The following CANT1 variants were observed in gnomAD, a reference collection of about 807,000 sequenced individuals.
CANT1 encodes calcium activated nucleotidase 1.
Under a neutral mutation model 30.0 loss-of-function variants are expected in CANT1, and 26 were observed. The ratio of observed to expected loss-of-function variants is 0.87; its 90% CI spans 0.64 to 1.20. CANT1 has a LOEUF of 1.20. Ranked by LOEUF, CANT1 falls within the 50% of genes most tolerant of loss-of-function variation. The pLI, the probability that CANT1 is intolerant of heterozygous loss-of-function variation, is 0.00. For synonymous variants in CANT1, 246 were observed against 251.8 expected, an observed-to-expected ratio of 0.98 and a Z score of 0.22; for missense variants, 518 against 563.0, an observed-to-expected ratio of 0.92 and a Z score of 0.81.
intron 1 of CANT1, among the ~76,000 whole-genome samples, chr17:79,003,858 C>T (rs188035639): frequency 5.1e-4 from 76 of 148,778 alleles, no homozygotes; most frequent in African/African-American, 1.7e-3. Context: ...GCAAGGCTTG[C>T]AAGGCACCAC....
At chr17:78,999,007 G>A (rs1016207455) in intron 1 of CANT1, among the ~76,000 whole-genome samples, 1 of 152,160 alleles carries the variant, frequency 6.6e-6, no homozygotes, top group African/African-American at 2.4e-5. Flanking sequence ...CCTGGTGCAC[G>A]GCAGCCAGCA....
chr17:79,005,997 C>T (rs935486128), intron 1 of CANT1: 12 of 152,218 alleles, frequency 7.9e-5, no homozygotes, highest in African/African-American at 2.9e-4. Flanking sequence ...GTGGGCAGTA[C>T]AAGGAAACCA....
chr17:79,009,340 A>C (rs2071665125), intron 1 of CANT1, among the ~76,000 whole-genome samples: 1 of 151,794 alleles, frequency 6.6e-6, no homozygotes, highest in Non-Finnish European at 1.5e-5. Context: ...TGGTCCCCAC[A>C]CTAATTAGAG....
At chr17:79,001,757 G>A (rs1053120754) in intron 1 of CANT1, among the ~76,000 whole-genome samples, 20 of 152,152 alleles carry the variant, frequency 1.3e-4, no homozygotes, top group East Asian at 9.7e-4. Context: ...AGGTCTTCTC[G>A]GCCCCCACTG....
chr17:78,995,183 G>T lies in CANT1; in HGVS notation c.670C>A (p.Leu224Met). ...AEWLAVKDER[L>M]YVGGLGKEWT... ...TCCTTGCCCAGGCCGCCCACGTACAGACGCTCGTCCTTCACTGCCAGCCAT... is the reference window on the plus strand; with the variant it reads ...TCCTTGCCCAGGCCGCCCACGTACATACGCTCGTCCTTCACTGCCAGCCAT... The change falls in exon 4 of 5, where the codon CTG (leucine) becomes ATG (methionine). Residue 224 changes from leucine to methionine, a missense_variant. Physicochemically the swap from Leu to Met is conservative, Grantham distance 15 (BLOSUM62 2). Around this residue, in one of 3 missense-constraint regions of CANT1, gnomAD observed 48 missense variants for 82.5 expected, o/e 0.58. Transcript: ENST00000392446. The surrounding 1 kb of genome is among the most constrained non-coding windows in gnomAD (Gnocchi z 5.7). The T allele has an allele frequency of 6.2e-7, 1 of 1,613,814 alleles. No individual in the cohort carries two copies. The highest frequency in any genetic ancestry group is 1.1e-5 in the South Asian group (1 of 91,080).
chr17:79,007,421 T>C (rs1262902496), intron 1 of CANT1, among the ~76,000 whole-genome samples: 3 of 152,214 alleles, frequency 2.0e-5, no homozygotes, highest in African/African-American at 7.2e-5. Context: ...CTCCTTGTGA[T>C]AGTACTGACC....
rs536437860 is a variant in CANT1 at position 78,992,182 on chromosome 17, TCCCTCCTCGCTG to T, written c.*1356_*1367del. 132 of 231,926 alleles carry T rather than the reference TCCCTCCTCGCTG, an allele frequency of 5.7e-4. No individual in the cohort carries two copies. The highest frequency in any genetic ancestry group is 1.2e-3 in the Admixed American group (22 of 17,808). 14.4% of individuals were successfully genotyped at this position (231,926 alleles called of 1,614,324 possible). ...GAAAGAGACAACCATGAGAGAGGGG[TCCCTCCTCGCTG>T]CCCTCCTCGCAGCTGTGCTTGAGTT... On this transcript the variant is annotated 3_prime_UTR_variant, in exon 5 of 5. Coordinates refer to ENST00000392446, the MANE Select transcript of CANT1 (RefSeq NM_001159773.2).
At position 78,993,326 on chromosome 17, in the gene CANT1, C is replaced by T; in HGVS notation, c.*224G>A. On this transcript the variant is annotated 3_prime_UTR_variant, in exon 5 of 5. Transcript: ENST00000392446. The surrounding 1 kb of genome is among the most constrained non-coding windows in gnomAD (Gnocchi z 4.5). Reference sequence around the variant, plus strand: ...GCCTTGAGTCAATGCCTGAAGTGACCGAAATCACCACCAGATGGCAGCATG... The same window carrying T: ...GCCTTGAGTCAATGCCTGAAGTGACTGAAATCACCACCAGATGGCAGCATG... 1.7e-6 allele frequency: 1 copy of T among 605,026 alleles called. No homozygotes were observed. The highest frequency in any genetic ancestry group is 2.9e-6 in the Non-Finnish European group (1 of 346,746). The allele number at this position is 605,026 out of a possible 1,614,324, so 37.5% of individuals were successfully genotyped here. A position where few individuals can be genotyped will look rare whatever the true frequency, so the allele number is the denominator to read the frequency against.
intron 1 of CANT1, among the ~76,000 whole-genome samples, chr17:78,999,577 G>A (rs895169275): frequency 2.0e-5 from 3 of 151,476 alleles, no homozygotes; most frequent in African/African-American, 4.9e-5. Flanking sequence ...TGAGGCTCAA[G>A]CGATCCTCCC....
At position 78,995,433 on chromosome 17, in the gene CANT1, G is replaced by GTC. The variant is rs1440754301; in HGVS notation, c.632-214_632-213dup. Among the ~76,000 whole-genome samples, 3 of 152,142 alleles carry GTC rather than the reference G, an allele frequency of 2.0e-5. No homozygotes were observed. The highest frequency in any genetic ancestry group is 6.5e-5 in the Admixed American group (1 of 15,282). On this transcript the variant is annotated intron_variant, in intron 3 of 4. Coordinates refer to ENST00000392446, the MANE Select transcript of CANT1 (RefSeq NM_001159773.2). The surrounding 1 kb of genome is among the most constrained non-coding windows in gnomAD (Gnocchi z 5.7). ...CTGAAGGTTCAGTGACCACTCTCAA[G>GTC]TCTCCTCTGATCCCCAACTCCCCGC...
At chr17:79,005,766 C>A (rs1047508165) in intron 1 of CANT1, among the ~76,000 whole-genome samples, 12 of 152,100 alleles carry the variant, frequency 7.9e-5, no homozygotes, top group African/African-American at 2.9e-4. Context: ...AAGAGCAAAC[C>A]CCACTGACCT....
In CANT1 at chr17:78,996,710, C is replaced by A. The variant is rs1166480962; in HGVS notation, c.631+282G>T. Among the ~76,000 whole-genome samples, 8 of 152,180 alleles carry A rather than the reference C, an allele frequency of 5.3e-5. No individual in the cohort carries two copies. In the East Asian group the frequency reaches 1.5e-3, roughly 29 times the overall value. On this transcript the variant is annotated intron_variant, in intron 3 of 4. Transcript: ENST00000392446. This position sits in a 1 kb window ranked among gnomAD's most constrained non-coding sequence, Gnocchi z 5.1. ...TTCCCAGAGGCTCCGAGAGCAGCAGCGGATACAGCCGAAAACATCTTGGAG... is the reference window on the plus strand; with the variant it reads ...TTCCCAGAGGCTCCGAGAGCAGCAGAGGATACAGCCGAAAACATCTTGGAG...
At position 78,993,452 on chromosome 17, in the gene CANT1, G is replaced by C; in HGVS notation, c.*98C>G. 6.4e-7 allele frequency: 1 copy of C among 1,563,092 alleles called. No homozygotes were observed. Among genetic ancestry groups the C allele is most frequent in the Non-Finnish European group, 8.7e-7 (1 of 1,144,506 alleles). On this transcript the variant is annotated 3_prime_UTR_variant, in exon 5 of 5. Transcript: ENST00000392446. This position sits in a 1 kb window ranked among gnomAD's most constrained non-coding sequence, Gnocchi z 4.5. ...CTCCCTGTCCAGACCTCCAACCCAG[G>C]CACAGTTCCAAAAAGAACAAAACAA...
chr17:78,992,870 C>T lies in CANT1; in HGVS notation c.*680G>A, dbSNP rs2070886316. The T allele has an allele frequency of 2.7e-6, 1 of 368,582 alleles. No homozygotes were observed. The highest frequency in any genetic ancestry group is 3.8e-5 in the Admixed American group (1 of 26,070). The allele number at this position is 368,582 out of a possible 1,614,324, so 22.8% of individuals were successfully genotyped here. ...AATTAAAGCAGGTTAATAATTAAAA[C>T]TTCAAAGTACTGCACAGCCACAGAA... On this transcript the variant is annotated 3_prime_UTR_variant, in exon 5 of 5. Transcript: ENST00000392446.
Position 78,993,425 on chromosome 17 carries a change from G to T in CANT1, c.*125C>A, listed in dbSNP as rs2070902471. 1 of 1,440,926 alleles carries T rather than the reference G, an allele frequency of 6.9e-7. No individual in the cohort carries two copies. Among genetic ancestry groups the T allele is most frequent in the Non-Finnish European group, 9.5e-7 (1 of 1,047,952 alleles). 89.3% of individuals were successfully genotyped at this position (1,440,926 alleles called of 1,614,324 possible). On this transcript the variant is annotated 3_prime_UTR_variant, in exon 5 of 5. Coordinates refer to ENST00000392446, the MANE Select transcript of CANT1 (RefSeq NM_001159773.2). This position sits in a 1 kb window ranked among gnomAD's most constrained non-coding sequence, Gnocchi z 4.5. ...CGCACCACTATGGGGCCCGGGACTG[G>T]GCTCCCTGTCCAGACCTCCAACCCA...
In CANT1 at chr17:78,992,818, C is replaced by A; in HGVS notation, c.*732G>T. On this transcript the variant is annotated 3_prime_UTR_variant, in exon 5 of 5. Transcript: ENST00000392446. ...CTCTGTGTGATAAGATTTGGTGATT[C>A]CACTTTATAAGAAAGGAAACTGCTT... is the stretch of plus-strand genomic sequence containing the variant. 2.4e-6 allele frequency: 1 copy of A among 422,254 alleles called. No homozygotes were observed. The highest frequency in any genetic ancestry group is 3.3e-5 in the Admixed American group (1 of 30,262). The allele number at this position is 422,254 out of a possible 1,614,324, so 26.2% of individuals were successfully genotyped here. A position where few individuals can be genotyped will look rare whatever the true frequency, so the allele number is the denominator to read the frequency against.
At chr17:78,994,379 TA>T (rs1177924655) in intron 4 of CANT1, among the ~76,000 whole-genome samples, 3 of 152,140 alleles carry the variant, frequency 2.0e-5, no homozygotes, top group African/African-American at 7.2e-5. Flanking sequence ...CCATCCTGAC[TA>T]GGGGGAGGCC....
intron 1 of CANT1, among the ~76,000 whole-genome samples, chr17:79,001,171 C>T (rs888477386): frequency 2.6e-5 from 4 of 152,162 alleles, no homozygotes; most frequent in African/African-American, 9.7e-5. Flanking sequence ...TGTCAGACAT[C>T]GTGAGGTGTC....
intron 1 of CANT1, among the ~76,000 whole-genome samples, chr17:79,003,154 G>A (rs1313319454): frequency 1.3e-5 from 2 of 152,184 alleles, no homozygotes; most frequent in South Asian, 2.1e-4. Flanking sequence ...GGGCAGAGAC[G>A]CCAGGGCCTC....
Sources: gnomAD v4.1 joint callset for allele counts (sites outside exome capture counted in the v4.1 genomes callset) on GRCh38, gnomAD v4.1.1 for gene constraint, gnomAD v4.1.1 regional missense constraint, Gnocchi (gnomAD v3.1) non-coding constraint, MANE v1.5 for transcripts, NCBI Gene and HGNC (gene_info 2026-07-23, HGNC 2026-07-21) for gene names.